Variants in CRTAC1 observed in about 807,000 individuals in gnomAD.
The protein encoded by CRTAC1 is cartilage acidic protein 1.
In CRTAC1, 37 loss-of-function variants were observed where a neutral mutation model predicts 67.8. The observed-to-expected ratio is 0.55, with a 90% CI of 0.42 to 0.72. CRTAC1 has a LOEUF of 0.72. CRTAC1 is among the 30% of genes least tolerant of loss of function. The probability of loss-of-function intolerance (pLI) is 0.00; values close to 1 mark genes in which losing one functional copy is unlikely to be tolerated. For synonymous variants in CRTAC1, 348 were observed against 371.0 expected (o/e 0.94, Z 0.71); for missense variants, 780 against 931.6 (o/e 0.84, Z 2.12).
intron 2 of CRTAC1, among the ~76,000 whole-genome samples, chr10:97,978,359 C>A (rs962507810): frequency 6.6e-6 from 1 of 152,152 alleles, no homozygotes; most frequent in Non-Finnish European, 1.5e-5. Flanking sequence ...GTTCCTTTAC[C>A]CCCTCTCCAC....
chr10:97,867,096 C>T (rs1381766668), intron 14 of CRTAC1: 1 of 152,322 alleles, frequency 6.6e-6, no homozygotes, highest in Admixed American at 6.5e-5. Flanking sequence ...CCTCTCAGCT[C>T]CCCATGACAA....
chr10:97,885,855 T>TATCA (rs1237549936), intron 11 of CRTAC1, among the ~76,000 whole-genome samples: 1 of 152,214 alleles, frequency 6.6e-6, no homozygotes, highest in Non-Finnish European at 1.5e-5. Flanking sequence ...CTAAATAATA[T>TATCA]ATCACCCACA....
At chr10:97,966,222 T>A (rs1166891486) in intron 2 of CRTAC1, among the ~76,000 whole-genome samples, 1 of 152,238 alleles carries the variant, frequency 6.6e-6, no homozygotes. Flanking sequence ...ACTACAGGCA[T>A]GTGCCACTAT....
rs913058512 is a variant in CRTAC1, at chr10:97,949,650, A to G, written c.225-13284T>C. Among the ~76,000 whole-genome samples, 9 of 152,200 alleles carry G rather than the reference A, an allele frequency of 5.9e-5. 1 individual carries two copies. The South Asian group carries it at 1.9e-3, about 32-fold the overall frequency. On this transcript the variant is annotated intron_variant, in intron 2 of 14. Coordinates refer to ENST00000370597, the MANE Select transcript of CRTAC1 (RefSeq NM_018058.7). ...GCCCTGGACTTGAAGTCAGACATAA[A>G]GGCTGAGAGGCAGCATAGCTCCATG...
chr10:97,943,539 G>C (rs1377444142), intron 2 of CRTAC1, among the ~76,000 whole-genome samples: 1 of 152,228 alleles, frequency 6.6e-6, no homozygotes, highest in Non-Finnish European at 1.5e-5. Flanking sequence ...TGGGCACACA[G>C]GAGTATTTTA....
intron 2 of CRTAC1, among the ~76,000 whole-genome samples, chr10:97,951,846 G>T (rs1217057126): frequency 3.9e-5 from 6 of 152,172 alleles, no homozygotes; most frequent in Non-Finnish European, 1.5e-5. Context: ...GTGGAGTGGG[G>T]ACTGGTGGTG....
chr10:97,937,387 C>T (rs2051107320), intron 2 of CRTAC1, among the ~76,000 whole-genome samples: 1 of 152,168 alleles, frequency 6.6e-6, no homozygotes, highest in African/African-American at 2.4e-5. Flanking sequence ...CACTGCACCA[C>T]CACCCTGTTC....
At chr10:97,920,719 T>G (rs1040970458) in intron 4 of CRTAC1, among the ~76,000 whole-genome samples, 1 of 152,234 alleles carries the variant, frequency 6.6e-6, no homozygotes, top group Non-Finnish European at 1.5e-5. Flanking sequence ...AATCCCTGGC[T>G]GCCTCCAGGC....
chr10:98,027,736 A>G (rs1194360633), intron 1 of CRTAC1, among the ~76,000 whole-genome samples: 5 of 152,248 alleles, frequency 3.3e-5, no homozygotes, highest in Non-Finnish European at 2.9e-5. Flanking sequence ...CAGATTCAAA[A>G]TAGAATCTCC....
chr10:97,957,229 T>C (rs924747384), intron 2 of CRTAC1, among the ~76,000 whole-genome samples: 3 of 151,988 alleles, frequency 2.0e-5, no homozygotes, highest in African/African-American at 4.8e-5. Context: ...GAGAGGGTAA[T>C]GGTAGACTTC....
chr10:97,915,554 C>T lies in CRTAC1; in HGVS notation c.715+1946G>A, dbSNP rs11596059. On this transcript the variant is annotated intron_variant, in intron 5 of 14. Coordinates refer to ENST00000370597, the MANE Select transcript of CRTAC1 (RefSeq NM_018058.7). ...ACAGTGGTGCTGAGCGCTGGCCACG[C>T]GCCCAAAGCCTCAGCCATCAGGCCG... 1.2e-3 allele frequency among the ~76,000 whole-genome samples: 183 copies of T among 152,274 alleles called. 2 individuals carry two copies. The highest frequency in any genetic ancestry group is 2.1e-3 in the Non-Finnish European group (144 of 68,020).
At chr10:97,936,067 G>A in intron 3 of CRTAC1, 103 bp downstream of exon 3, 1 of 1,121,464 alleles carries the variant, frequency 8.9e-7, no homozygotes, top group South Asian at 1.5e-5. Context: ...GGGGGACAAT[G>A]ACAGTTGCCT....
intron 8 of CRTAC1, among the ~76,000 whole-genome samples, chr10:97,900,659 G>C (rs2050523349): frequency 1.4e-5 from 2 of 139,030 alleles, no homozygotes; most frequent in South Asian, 4.8e-4. Flanking sequence ...CTGTGGTAGT[G>C]ATTGGACCCT....
chr10:97,934,990 G>C (rs1278486118), intron 3 of CRTAC1, among the ~76,000 whole-genome samples: 1 of 151,930 alleles, frequency 6.6e-6, no homozygotes, highest in East Asian at 1.9e-4. Flanking sequence ...GGGCGCGGCG[G>C]GGAAACCACC....
At chr10:97,918,600 G>A (rs193280382) in intron 4 of CRTAC1, among the ~76,000 whole-genome samples, 1 of 152,278 alleles carries the variant, frequency 6.6e-6, no homozygotes, top group East Asian at 1.9e-4. Flanking sequence ...CTGACCGTAG[G>A]TTGCTTGTAG....
At position 97,904,094 on chromosome 10, in the gene CRTAC1, C is replaced by T. The variant is rs943706502; in HGVS notation, c.996+575G>A. 2.0e-5 allele frequency among the ~76,000 whole-genome samples: 3 copies of T among 151,780 alleles called. 1 individual carries two copies. In the South Asian group the frequency reaches 6.3e-4, roughly 32 times the overall value. On this transcript the variant is annotated intron_variant, in intron 7 of 14. Transcript: ENST00000370597. ...TCTGCTCTAGCTGCTGGATCCTTTC[C>T]AGGAGCCACCAGAAAAAATGGCCTG...
At chr10:98,028,371 T>A (rs1437767994) in intron 1 of CRTAC1, among the ~76,000 whole-genome samples, 1 of 152,218 alleles carries the variant, frequency 6.6e-6, no homozygotes, top group East Asian at 1.9e-4. Context: ...CGCCCCCTAC[T>A]GGACACCAAG....
intron 3 of CRTAC1, among the ~76,000 whole-genome samples, chr10:97,929,802 C>G (rs10883021): frequency 6.6e-6 from 1 of 152,114 alleles, no homozygotes; most frequent in Admixed American, 6.5e-5. Flanking sequence ...TCCAGGAAAT[C>G]ACAGCACATG....
rs1005397637 is a variant in CRTAC1, at chr10:97,901,757, C to G, written c.997-118G>C. ...AAGAGACAGTCCAACCCAAAAGCTC[C>G]TCTCCTGCCTCCCGCAAAGGACCTG... On this transcript the variant is annotated intron_variant, in intron 7 of 14. Coordinates refer to ENST00000370597, the MANE Select transcript of CRTAC1 (RefSeq NM_018058.7). 4.8e-6 allele frequency: 6 copies of G among 1,258,160 alleles called. No individual in the cohort carries two copies. The African/African-American group carries it at 8.9e-5, about 19-fold the overall frequency. 77.9% of individuals were successfully genotyped at this position (1,258,160 alleles called of 1,614,324 possible).
Sources: gnomAD v4.1 joint callset for allele counts (sites outside exome capture counted in the v4.1 genomes callset) on GRCh38, gnomAD v4.1.1 for gene constraint, MANE v1.5 for transcripts, NCBI Gene and HGNC (gene_info 2026-07-23, HGNC 2026-07-21) for gene names.